Variants in MZT2B observed in about 807,000 individuals in gnomAD.
The protein encoded by MZT2B is mitotic-spindle organizing protein 2B.
A neutral mutation model predicts 12.1 loss-of-function variants in MZT2B; 11 were observed. The ratio of observed to expected loss-of-function variants is 0.91; its 90% CI spans 0.57 to 1.50. The LOEUF (loss-of-function observed/expected upper bound fraction) is 1.50. MZT2B is among the 40% of genes most tolerant of loss of function. The pLI, the probability that MZT2B is intolerant of heterozygous loss-of-function variation, is 0.00. For missense variants in MZT2B, 209 were observed against 227.7 expected, an observed-to-expected ratio of 0.92 and a Z score of 0.53; for synonymous variants, 85 against 109.5, an observed-to-expected ratio of 0.78 and a Z score of 1.40.
chr2:130,202,650 T>C, the MZT2B span, among the ~76,000 whole-genome samples: 1,724 of 150,488 alleles, frequency 0.011, 23 homozygotes, highest in Middle Eastern at 0.065. Context: ...GCTTGGCTCC[T>C]TGCCATGGGT....
Position 130,182,284 on chromosome 2 carries a change from T to TGGC in MZT2B, c.7_9dup (p.Ala3dup), listed in dbSNP as rs1331185256. 3.0e-6 allele frequency: 4 copies of TGGC among 1,326,888 alleles called. No homozygotes were observed. Among genetic ancestry groups the TGGC allele is most frequent in the Middle Eastern group, 2.8e-4 (1 of 3,544 alleles). The allele number at this position is 1,326,888 out of a possible 1,614,324, so 82.2% of individuals were successfully genotyped here. On this transcript the variant is annotated inframe_insertion, in exon 1 of 3. Transcript: ENST00000281871. ...CGCACCTTTCCGCGGGCCGCGGGGA[T>TGGC]GGCGGCGCAGGGCGTAGGGCCTGGG...
At chr2:130,194,051 C>T (rs748196767), downstream of MZT2B, 28 of 1,613,970 alleles carry the variant, frequency 1.7e-5, 1 homozygote, top group African/African-American at 8.0e-5. Context: ...GAAGTGGATG[C>T]GGGGGTACGG....
At chr2:130,184,334 C>G in intron 2 of MZT2B, 1 of 985,466 alleles carries the variant, frequency 1.0e-6, no homozygotes, top group Non-Finnish European at 1.2e-6. Flanking sequence ...TAGAAGTTGT[C>G]CCTTATCTGG....
upstream of MZT2B, chr2:130,182,135 G>A: frequency 6.4e-6 from 8 of 1,255,682 alleles, no homozygotes; most frequent in Non-Finnish European, 8.0e-6. Flanking sequence ...CTTCAATGAC[G>A]CCGCGGAGGC....
chr2:130,193,184 G>C (rs1690310925), downstream of MZT2B, among the ~76,000 whole-genome samples: 2 of 151,984 alleles, frequency 1.3e-5, no homozygotes, highest in Admixed American at 6.6e-5. Flanking sequence ...GAGTCTGGGA[G>C]GCAGAGGTTG....
chr2:130,190,875 T>C (rs1358268921), downstream of MZT2B: 4 of 817,792 alleles, frequency 4.9e-6, no homozygotes, highest in Non-Finnish European at 6.6e-6. Flanking sequence ...ATTTGGGTTC[T>C]GAGAAAAGGC....
At chr2:130,194,786 T>G (rs1346646671), downstream of MZT2B, among the ~76,000 whole-genome samples, 1 of 152,176 alleles carries the variant, frequency 6.6e-6, no homozygotes, top group Non-Finnish European at 1.5e-5. Flanking sequence ...CAAGCAATTC[T>G]TCTGCCTCAG....
chr2:130,191,460 G>A (rs1470571042), downstream of MZT2B, among the ~76,000 whole-genome samples: 1 of 152,146 alleles, frequency 6.6e-6, no homozygotes, highest in Non-Finnish European at 1.5e-5. Context: ...CTCCCTTTTA[G>A]CCAGCATGAC....
At chr2:130,203,027 T>C in the MZT2B span, among the ~76,000 whole-genome samples, 1 of 151,002 alleles carries the variant, frequency 6.6e-6, no homozygotes, top group Non-Finnish European at 1.5e-5. Context: ...CACAATTAGG[T>C]TCTTTTTTCT....
chr2:130,191,232 G>T (rs1359682132), downstream of MZT2B, among the ~76,000 whole-genome samples: 5 of 152,204 alleles, frequency 3.3e-5, no homozygotes, highest in Admixed American at 1.3e-4. Context: ...GGGACAGGGT[G>T]GCTGTGTGTG....
At chr2:130,181,866 C>T, upstream of MZT2B, 12 of 1,530,006 alleles carry the variant, frequency 7.8e-6, no homozygotes, top group Non-Finnish European at 1.1e-5. Context: ...CCCCCCTTCC[C>T]CCCGCCCGCC....
At chr2:130,192,101 T>G, downstream of MZT2B, 1 of 1,601,866 alleles carries the variant, frequency 6.2e-7, no homozygotes, top group Non-Finnish European at 8.5e-7. Flanking sequence ...CGGGGACCAC[T>G]GTGGGGGGCT....
chr2:130,196,431 C>A, the MZT2B span: 1 of 1,572,292 alleles, frequency 6.4e-7, no homozygotes, highest in Non-Finnish European at 8.6e-7. Context: ...AACTATATGG[C>A]ATGCAAAATA....
chr2:130,186,390 T>C (rs1690065954), intron 2 of MZT2B, among the ~76,000 whole-genome samples: 2 of 152,200 alleles, frequency 1.3e-5, no homozygotes, highest in Admixed American at 1.3e-4. Context: ...AGAGGGGCAA[T>C]GCTTGTCTTG....
downstream of MZT2B, chr2:130,194,041 G>C: frequency 6.2e-7 from 1 of 1,614,220 alleles, no homozygotes; most frequent in Non-Finnish European, 8.5e-7. Flanking sequence ...TGGCCAGGGG[G>C]AAGTGGATGC....
chr2:130,184,846 A>G (rs1689998379), intron 2 of MZT2B: 13 of 985,022 alleles, frequency 1.3e-5, no homozygotes, highest in South Asian at 4.7e-5. Context: ...GATCACACTC[A>G]GAGCCCAGTG....
chr2:130,189,947 T>C (rs1192961387), intron 2 of MZT2B, among the ~76,000 whole-genome samples: 1 of 152,142 alleles, frequency 6.6e-6, no homozygotes, highest in Non-Finnish European at 1.5e-5. Context: ...TAGGAAACAA[T>C]GAAAGAGCTT....
At chr2:130,194,156 C>T (rs760795453), downstream of MZT2B, 45 of 1,613,792 alleles carry the variant, frequency 2.8e-5, no homozygotes, top group Middle Eastern at 1.7e-4. Context: ...CCCAATCAGG[C>T]GATTGAGGTT....
chr2:130,196,710 T>C, the MZT2B span, among the ~76,000 whole-genome samples: 1 of 152,232 alleles, frequency 6.6e-6, no homozygotes, highest in Non-Finnish European at 1.5e-5. Flanking sequence ...TAGCAGTTTT[T>C]GATTATGTCC....
Sources: gnomAD v4.1 joint callset for allele counts (sites outside exome capture counted in the v4.1 genomes callset) on GRCh38, gnomAD v4.1.1 for gene constraint, MANE v1.5 for transcripts, NCBI Gene and HGNC (gene_info 2026-07-23, HGNC 2026-07-21) for gene names.